Variants in ACSF2 observed in about 807,000 individuals in gnomAD.
ACSF2 encodes medium-chain acyl-CoA ligase ACSF2, mitochondrial.
ACSF2 carries 52 observed loss-of-function variants against 79.3 expected under a neutral mutation model. The observed-to-expected ratio is 0.66, with a 90% CI of 0.53 to 0.83. The LOEUF is 0.83. Among genes scored for constraint, ACSF2 ranks in the 40% least tolerant of loss-of-function variants. The probability of loss-of-function intolerance (pLI) is 0.00; values close to 1 mark genes in which losing one functional copy is unlikely to be tolerated. For missense variants in ACSF2, 661 were observed against 803.3 expected (o/e 0.82, Z 2.14); for synonymous variants, 283 against 312.6 (o/e 0.91, Z 1.00).
intron 10 of ACSF2, chr17:50,469,063 G>T: frequency 7.1e-6 from 9 of 1,270,896 alleles, no homozygotes; most frequent in Non-Finnish European, 8.9e-6. Context: ...GCATGAGGGG[G>T]TGGGACCGTG....
At chr17:50,473,516 C>A in intron 12 of ACSF2, 149 bp from the exon 13 acceptor site, 1 of 1,091,692 alleles carries the variant, frequency 9.2e-7, no homozygotes, top group Non-Finnish European at 1.3e-6. Context: ...ACTATTAATT[C>A]CAGAGACTGT....
intron 10 of ACSF2, chr17:50,468,832 CG>C: frequency 6.7e-7 from 1 of 1,497,452 alleles, no homozygotes; most frequent in Middle Eastern, 2.2e-4. Context: ...CGCCTGGGGC[CG>C]GGGCTGGGGG....
chr17:50,448,069 GA>G (rs1352941266), intron 1 of ACSF2, among the ~76,000 whole-genome samples: 2 of 152,192 alleles, frequency 1.3e-5, no homozygotes, highest in African/African-American at 4.8e-5. Context: ...CACATTCTGA[GA>G]AATACATCAG....
intron 3 of ACSF2, 64 bp from the exon 4 acceptor site, chr17:50,461,569 G>A (rs1420573367): frequency 3.2e-5 from 52 of 1,607,398 alleles, no homozygotes; most frequent in Middle Eastern, 1.7e-4. Context: ...TCCTGGGGGC[G>A]GAGGGGCAGC....
intron 1 of ACSF2, among the ~76,000 whole-genome samples, chr17:50,459,844 G>A (rs568342550): frequency 6.6e-6 from 1 of 152,276 alleles, no homozygotes; most frequent in Admixed American, 6.5e-5. Context: ...CAGGTCCCGA[G>A]CTGGCTGCTT....
At chr17:50,462,771 C>A in intron 6 of ACSF2, 186 bp downstream of exon 6, 1 of 696,514 alleles carries the variant, frequency 1.4e-6, no homozygotes, top group South Asian at 2.0e-5. Context: ...CCTCCCCTAG[C>A]CCCCCGCCCT....
intron 1 of ACSF2, among the ~76,000 whole-genome samples, chr17:50,442,011 A>C (rs892579439): frequency 1.5e-4 from 23 of 152,116 alleles, no homozygotes; most frequent in African/African-American, 5.5e-4. Flanking sequence ...GCTAATTAAA[A>C]ACATTTTTTT....
At chr17:50,461,711 GC>G in intron 4 of ACSF2, 25 bp downstream of exon 4, 1 of 1,613,910 alleles carries the variant, frequency 6.2e-7, no homozygotes, top group African/African-American at 1.3e-5. Context: ...TCGGGGAGGG[GC>G]CCGGCTGGGG....
chr17:50,435,905 A>G (rs1226737455), intron 1 of ACSF2, among the ~76,000 whole-genome samples: 1 of 151,660 alleles, frequency 6.6e-6, no homozygotes, highest in East Asian at 1.9e-4. Flanking sequence ...GGTGCATGCC[A>G]CTGCACCCAG....
chr17:50,472,149 C>G (rs2033151396), intron 11 of ACSF2: 2 of 441,596 alleles, frequency 4.5e-6, no homozygotes, highest in East Asian at 4.8e-5. Context: ...GTCCACAAAC[C>G]TCTTTCTTTG....
intron 1 of ACSF2, among the ~76,000 whole-genome samples, chr17:50,457,915 A>G (rs763214159): frequency 6.6e-5 from 10 of 152,194 alleles, no homozygotes; most frequent in African/African-American, 7.2e-5. Flanking sequence ...GTCCCACATC[A>G]GAATCACATG....
At position 50,471,011 on chromosome 17, in the gene ACSF2, C is replaced by G. The variant is rs1316643490; in HGVS notation, c.1216-17C>G. The G allele has an allele frequency of 6.2e-7, 1 of 1,607,284 alleles. No homozygotes were observed. The highest frequency in any genetic ancestry group is 2.2e-5 in the East Asian group (1 of 44,832). On this transcript the variant is annotated splice_polypyrimidine_tract_variant and intron_variant, in intron 10 of 15. Coordinates refer to ENST00000300441, the MANE Select transcript of ACSF2 (RefSeq NM_025149.6). This position sits in a 1 kb window ranked among gnomAD's most constrained non-coding sequence, Gnocchi z 4.1. ...ACGTGCTGAGCCCTCTTCAAACACCCTTTCTGGACCCTCTAGGTTGCTTAT... is the reference window on the plus strand; with the variant it reads ...ACGTGCTGAGCCCTCTTCAAACACCGTTTCTGGACCCTCTAGGTTGCTTAT...
At chr17:50,445,177 A>G (rs1028645326) in intron 1 of ACSF2, among the ~76,000 whole-genome samples, 2 of 152,134 alleles carry the variant, frequency 1.3e-5, no homozygotes, top group Admixed American at 6.6e-5. Flanking sequence ...ACCCTCCCAA[A>G]GTGTTGGGAT....
chr17:50,457,426 G>C (rs28590506), intron 1 of ACSF2, among the ~76,000 whole-genome samples: 1 of 152,242 alleles, frequency 6.6e-6, no homozygotes, highest in East Asian at 1.9e-4. Flanking sequence ...TTCATCACTA[G>C]TGGGATGGGA....
chr17:50,472,365 C>CA (rs2143809670), intron 11 of ACSF2, 63 bp from the exon 12 acceptor site: 1 of 1,566,596 alleles, frequency 6.4e-7, no homozygotes, highest in Non-Finnish European at 8.6e-7. Context: ...TCTCCATTTC[C>CA]AAGGACCACC....
chr17:50,449,251 A>G (rs1035039760), intron 1 of ACSF2, among the ~76,000 whole-genome samples: 3 of 151,990 alleles, frequency 2.0e-5, no homozygotes, highest in Non-Finnish European at 2.9e-5. Context: ...TCCTGAGCTC[A>G]GGCAATCTGC....
intron 10 of ACSF2, chr17:50,468,920 G>T: frequency 2.8e-6 from 4 of 1,409,392 alleles, no homozygotes; most frequent in Non-Finnish European, 3.7e-6. Flanking sequence ...CGGTGGCCCT[G>T]ACCGCAGCCG....
At chr17:50,448,780 G>A (rs979772390) in intron 1 of ACSF2, among the ~76,000 whole-genome samples, 4 of 152,176 alleles carry the variant, frequency 2.6e-5, no homozygotes, top group East Asian at 1.9e-4. Flanking sequence ...TTGTGTGTGT[G>A]TGTAAGATTG....
At chr17:50,468,988 C>G (rs1315280959) in intron 10 of ACSF2, 5 of 1,366,498 alleles carry the variant, frequency 3.7e-6, no homozygotes, top group Non-Finnish European at 4.7e-6. Flanking sequence ...CTCGCTCGCG[C>G]CCAGAGATGC....
Sources: gnomAD v4.1 joint callset for allele counts (sites outside exome capture counted in the v4.1 genomes callset) on GRCh38, gnomAD v4.1.1 for gene constraint, Gnocchi (gnomAD v3.1) non-coding constraint, MANE v1.5 for transcripts, NCBI Gene and HGNC (gene_info 2026-07-23, HGNC 2026-07-21) for gene names.